Variants in NGEF observed in about 807,000 individuals in gnomAD.
NGEF encodes neuronal guanine nucleotide exchange factor.
Under a neutral mutation model 80.9 loss-of-function variants are expected in NGEF, and 31 were observed. That is an observed-to-expected ratio of 0.38 (90% CI 0.29 to 0.52). The LOEUF (loss-of-function observed/expected upper bound fraction) is 0.52. NGEF is among the 20% of genes least tolerant of loss of function. The pLI, the probability that NGEF is intolerant of heterozygous loss-of-function variation, is 0.84. For synonymous variants in NGEF, 371 were observed against 370.2 expected (o/e 1.00, Z -0.03); for missense variants, 709 against 926.2 (o/e 0.77, Z 3.04).
At chr2:232,918,964 A>G (rs1692873191) in intron 5 of NGEF, among the ~76,000 whole-genome samples, 1 of 152,216 alleles carries the variant, frequency 6.6e-6, no homozygotes, top group African/African-American at 2.4e-5. Context: ...TTATTAAAAA[A>G]TAAATCAATG....
chr2:232,949,758 T>TG (rs35591804), intron 3 of NGEF, among the ~76,000 whole-genome samples: 103,547 of 150,994 alleles, frequency 0.69, 35,756 homozygotes, highest in African/African-American at 0.75. Context: ...GGATTCCAGG[T>TG]TGAGCCACTG....
chr2:232,881,064 G>C, intron 14 of NGEF, 82 bp downstream of exon 14: 1 of 1,058,200 alleles, frequency 9.5e-7, no homozygotes, highest in South Asian at 1.3e-5. Flanking sequence ...AGACAGTGGT[G>C]GCATCTGCTT....
intron 5 of NGEF, among the ~76,000 whole-genome samples, chr2:232,913,582 G>A (rs1244534147): frequency 1.3e-5 from 2 of 152,082 alleles, no homozygotes; most frequent in East Asian, 3.8e-4. Flanking sequence ...ACTGTATATT[G>A]ACTATATTTA....
intron 1 of NGEF, among the ~76,000 whole-genome samples, chr2:232,976,032 C>A (rs571158297): frequency 6.6e-6 from 1 of 152,070 alleles, no homozygotes; most frequent in Non-Finnish European, 1.5e-5. Flanking sequence ...GAAACCCTGT[C>A]TCTACTAAAA....
intron 5 of NGEF, among the ~76,000 whole-genome samples, chr2:232,919,459 GT>G (rs1692887905): frequency 6.6e-6 from 1 of 151,030 alleles, no homozygotes; most frequent in African/African-American, 2.4e-5. Flanking sequence ...TTTCCCTTCT[GT>G]ACCTACTTTT....
At chr2:232,915,291 G>A (rs954123097) in intron 5 of NGEF, among the ~76,000 whole-genome samples, 8 of 152,100 alleles carry the variant, frequency 5.3e-5, no homozygotes, top group Non-Finnish European at 1.2e-4. Flanking sequence ...ATCTTATCAA[G>A]ACTTTTGCAT....
intron 4 of NGEF, among the ~76,000 whole-genome samples, chr2:232,923,898 G>C (rs1012792724): frequency 4.6e-5 from 7 of 152,112 alleles, no homozygotes; most frequent in Non-Finnish European, 4.4e-5. Flanking sequence ...ACTAAGACAT[G>C]AGGGCACTGC....
chr2:232,986,664 T>G (rs1238757492), intron 1 of NGEF, among the ~76,000 whole-genome samples: 1 of 152,206 alleles, frequency 6.6e-6, no homozygotes, highest in Non-Finnish European at 1.5e-5. Flanking sequence ...AGTCAAACTC[T>G]TAGAAGCAGA....
intron 1 of NGEF, 103 bp downstream of exon 1, chr2:233,012,965 G>T (rs1202536904): frequency 2.1e-6 from 1 of 466,970 alleles, no homozygotes; most frequent in Non-Finnish European, 4.4e-6. Flanking sequence ...GTGAATGGAT[G>T]GGTGGTAATC....
chr2:232,905,265 C>A (rs1311140423), intron 5 of NGEF, among the ~76,000 whole-genome samples: 2 of 152,218 alleles, frequency 1.3e-5, no homozygotes, highest in Non-Finnish European at 2.9e-5. Flanking sequence ...CCACGCCTGA[C>A]TGGTTTTCGT....
chr2:233,002,292 G>C (rs76980274), intron 1 of NGEF, among the ~76,000 whole-genome samples: 12,964 of 152,240 alleles, frequency 0.085, 668 homozygotes, highest in Middle Eastern at 0.17. Flanking sequence ...AGATATTAAA[G>C]CTTAGGATGA....
At chr2:232,962,038 G>A (rs2106314768) in intron 3 of NGEF, among the ~76,000 whole-genome samples, 1 of 152,304 alleles carries the variant, frequency 6.6e-6, no homozygotes, top group African/African-American at 2.4e-5. Context: ...CTTCTACCTG[G>A]AGTCTCCAGG....
chr2:232,970,269 T>A lies in NGEF; in HGVS notation c.328A>T (p.Arg110Ter), dbSNP rs1574644961. ...ATTGCTGTTCTGCAAGGAGGCATTC[T>A]GCTCCAGGGGATATTCAAGGTCAGG... ...EPLTLNIPWSRMPPCRTAMQT... is the reference protein window; with the variant it reads ...EPLTLNIPWS Residue 110 changes from arginine (R) to a stop codon, truncating the protein, a stop_gained, in exon 3 of 15, where the codon AGA (arginine) becomes TGA (stop). Transcript: ENST00000264051. LOFTEE classifies it high-confidence loss of function. 3.1e-6 allele frequency: 5 copies of A among 1,606,714 alleles called. No individual in the cohort carries two copies. The East Asian group carries it at 1.1e-4, about 36-fold the overall frequency.
chr2:232,934,543 T>C (rs1693289657), intron 3 of NGEF, among the ~76,000 whole-genome samples: 1 of 152,232 alleles, frequency 6.6e-6, no homozygotes, highest in African/African-American at 2.4e-5. Flanking sequence ...AACCTTCAGC[T>C]AAATTCCACA....
chr2:232,910,165 G>A (rs1437276134), intron 5 of NGEF, among the ~76,000 whole-genome samples: 1 of 151,968 alleles, frequency 6.6e-6, no homozygotes, highest in Non-Finnish European at 1.5e-5. Context: ...GATGCTGCTA[G>A]ACCAATGGTC....
chr2:232,930,175 A>G (rs73102770), intron 3 of NGEF, among the ~76,000 whole-genome samples: 8,062 of 152,128 alleles, frequency 0.053, 748 homozygotes, highest in African/African-American at 0.18. Context: ...CACATTTCTC[A>G]TAGTTCCAGA....
chr2:232,995,568 C>CTATATATATACAATA (rs763658723), intron 1 of NGEF, among the ~76,000 whole-genome samples: 2 of 5,192 alleles, frequency 3.9e-4, no homozygotes, highest in African/African-American at 2.4e-3. Flanking sequence ...AGTATGTATA[C>CTATATATATACAATA]TGTATATATA....
intron 3 of NGEF, among the ~76,000 whole-genome samples, chr2:232,935,355 C>T (rs1017919951): frequency 3.9e-5 from 6 of 152,204 alleles, no homozygotes; most frequent in Non-Finnish European, 7.3e-5. Context: ...TGGTGGCTCA[C>T]GCCTGTTATC....
chr2:232,959,091 A>T (rs1693892288), intron 3 of NGEF, among the ~76,000 whole-genome samples: 1 of 152,252 alleles, frequency 6.6e-6, no homozygotes, highest in South Asian at 2.1e-4. Context: ...AGTGTGTTTT[A>T]AAAGAGATTC....
Sources: gnomAD v4.1 joint callset for allele counts (sites outside exome capture counted in the v4.1 genomes callset) on GRCh38, gnomAD v4.1.1 for gene constraint, MANE v1.5 for transcripts, NCBI Gene and HGNC (gene_info 2026-07-23, HGNC 2026-07-21) for gene names.